PALM2AKAP2: variants seen among roughly 807,000 people sequenced by gnomAD.
The protein encoded by PALM2AKAP2 is PALM2 and AKAP2 fusion.
In PALM2AKAP2, 37 loss-of-function variants were observed where a neutral mutation model predicts 71.5. That is an observed-to-expected ratio of 0.52 (90% CI 0.40 to 0.68). The LOEUF is 0.68. Ranked by LOEUF, PALM2AKAP2 falls within the 30% of genes least tolerant of loss-of-function variation. The pLI, the probability that PALM2AKAP2 is intolerant of heterozygous loss-of-function variation, is 0.00. For synonymous variants in PALM2AKAP2, 468 were observed against 478.8 expected, an observed-to-expected ratio of 0.98 and a Z score of 0.29; for missense variants, 1,224 against 1,191.8, an observed-to-expected ratio of 1.03 and a Z score of -0.40.
At chr9:109,778,674 T>A (rs117131762), upstream of PALM2AKAP2, among the ~76,000 whole-genome samples, 1 of 152,196 alleles carries the variant, frequency 6.6e-6, no homozygotes, top group East Asian at 1.9e-4. Context: ...TGTTCATCAG[T>A]GACAGGTGAA....
intron 6 of PALM2AKAP2, among the ~76,000 whole-genome samples, chr9:109,984,416 G>A (rs948062947): frequency 6.6e-6 from 1 of 152,132 alleles, no homozygotes; most frequent in Non-Finnish European, 1.5e-5. Context: ...CCAGTATTGT[G>A]TGAAGCTGAG....
rs550133458 is a variant in PALM2AKAP2, at chr9:109,954,350, G to A, written c.496+22322G>A. On this transcript the variant is annotated intron_variant, in intron 6 of 9. Coordinates refer to the PALM2AKAP2 transcript ENST00000302798. ...TATCATCCTTGTGCAGCTATTAATA[G>A]ACCACATCATCTCCCCAGCAGCCCC... 1.4e-4 allele frequency among the ~76,000 whole-genome samples: 22 copies of A among 152,162 alleles called. No homozygotes were observed. The South Asian group carries it at 4.4e-3, about 30-fold the overall frequency.
chr9:109,715,937 C>T (rs1241785278), intron 1 of PALM2AKAP2, among the ~76,000 whole-genome samples: 2 of 152,058 alleles, frequency 1.3e-5, no homozygotes, highest in African/African-American at 2.4e-5. Context: ...AAGTGTTTTT[C>T]GTATGCCATT....
intron 1 of PALM2AKAP2, among the ~76,000 whole-genome samples, chr9:109,758,596 A>AT (rs139419102): frequency 0.038 from 5,655 of 146,888 alleles, 239 homozygotes; most frequent in East Asian, 0.23. Flanking sequence ...ATGTATTTGT[A>AT]TTATTTTTTG....
rs562616966 is a variant in PALM2AKAP2 at position 109,982,434 on chromosome 9, C to T, written c.497-33520C>T. Among the ~76,000 whole-genome samples, 146 of 152,128 alleles carry T rather than the reference C, an allele frequency of 9.6e-4. 1 individual carries two copies. The highest frequency in any genetic ancestry group is 3.3e-3 in the African/African-American group (136 of 41,498). ...CTACAGTCAATAATAATTTATTGTA[C>T]GTTTTAAAATAACTAAGAGTATAAT... On this transcript the variant is annotated intron_variant, in intron 6 of 9. Transcript: ENST00000302798.
intron 6 of PALM2AKAP2, among the ~76,000 whole-genome samples, chr9:109,993,373 C>A (rs1215910681): frequency 6.6e-6 from 1 of 152,064 alleles, no homozygotes; most frequent in Non-Finnish European, 1.5e-5. Context: ...TTAGCAAACT[C>A]ATTGAGAAGA....
At chr9:109,844,158 GAAT>G (rs1316985013) in intron 1 of PALM2AKAP2, among the ~76,000 whole-genome samples, 1 of 152,188 alleles carries the variant, frequency 6.6e-6, no homozygotes, top group Admixed American at 6.5e-5. Flanking sequence ...GTGCTTTCTG[GAAT>G]TATTTAATTT....
intron 1 of PALM2AKAP2, among the ~76,000 whole-genome samples, chr9:109,696,033 C>T (rs749615735): frequency 6.6e-6 from 1 of 152,034 alleles, no homozygotes; most frequent in African/African-American, 2.4e-5. Context: ...GTTTCCAATA[C>T]AAAGATCGGA....
At chr9:109,915,903 G>C (rs183521987) in intron 3 of PALM2AKAP2, among the ~76,000 whole-genome samples, 1 of 151,730 alleles carries the variant, frequency 6.6e-6, no homozygotes, top group Non-Finnish European at 1.5e-5. Context: ...GTGCTCCTTT[G>C]GATTCAACTG....
intron 1 of PALM2AKAP2, among the ~76,000 whole-genome samples, chr9:109,772,229 A>T (rs1018083184): frequency 1.3e-5 from 2 of 152,228 alleles, no homozygotes; most frequent in South Asian, 4.1e-4. Context: ...AAGTCTGCAC[A>T]GAGTCCTCAC....
chr9:110,004,077 G>A (rs1170476902), intron 6 of PALM2AKAP2, among the ~76,000 whole-genome samples: 1 of 152,180 alleles, frequency 6.6e-6, no homozygotes, highest in East Asian at 1.9e-4. Flanking sequence ...TCATTATGAT[G>A]TTAGCTGGTG....
chr9:109,878,044 A>C (rs1442054780), intron 2 of PALM2AKAP2, among the ~76,000 whole-genome samples: 1 of 152,220 alleles, frequency 6.6e-6, no homozygotes, highest in Non-Finnish European at 1.5e-5. Flanking sequence ...GGAAATTTTG[A>C]GAGGTTTTTG....
At chr9:110,053,527 CAAAAA>C (rs56132919) in intron 1 of PALM2AKAP2, among the ~76,000 whole-genome samples, 9 of 82,878 alleles carry the variant, frequency 1.1e-4, no homozygotes, top group African/African-American at 2.7e-4. Flanking sequence ...AACTCTGTCT[CAAAAA>C]AAAAAAAAAA....
intron 7 of PALM2AKAP2, among the ~76,000 whole-genome samples, chr9:110,038,616 G>A (rs970929271): frequency 6.6e-6 from 1 of 151,914 alleles, no homozygotes; most frequent in Non-Finnish European, 1.5e-5. Flanking sequence ...GGGAATTGAG[G>A]TGGTAGGATC....
chr9:110,116,654 G>GA (rs1288921331), intron 1 of PALM2AKAP2, among the ~76,000 whole-genome samples: 3 of 152,208 alleles, frequency 2.0e-5, no homozygotes, highest in African/African-American at 7.2e-5. Flanking sequence ...TCCCAAGGGG[G>GA]AATCTGGTTA....
intron 6 of PALM2AKAP2, among the ~76,000 whole-genome samples, chr9:109,966,936 G>A (rs1204910076): frequency 1.3e-5 from 2 of 152,294 alleles, no homozygotes; most frequent in Admixed American, 6.5e-5. Flanking sequence ...GTTCCATCAC[G>A]GTGTTTCTAG....
intron 1 of PALM2AKAP2, among the ~76,000 whole-genome samples, chr9:109,654,311 G>A (rs1225882190): frequency 6.6e-6 from 1 of 152,154 alleles, no homozygotes; most frequent in Non-Finnish European, 1.5e-5. Flanking sequence ...ACTATTAAAA[G>A]CAAGGGAAAA....
At chr9:109,827,640 T>G (rs950182485) in intron 1 of PALM2AKAP2, among the ~76,000 whole-genome samples, 7 of 152,126 alleles carry the variant, frequency 4.6e-5, no homozygotes, top group African/African-American at 1.7e-4. Flanking sequence ...GTTGCTGGAC[T>G]GCATGATGAT....
At chr9:109,647,352 AG>A (rs1422888716) in intron 1 of PALM2AKAP2, among the ~76,000 whole-genome samples, 27 of 152,342 alleles carry the variant, frequency 1.8e-4, no homozygotes, top group African/African-American at 6.5e-4. Context: ...ATCATTAACC[AG>A]TTCTTCATGA....
Sources: allele counts gnomAD v4.1 joint callset (sites outside exome capture counted in the v4.1 genomes callset), GRCh38; gene constraint gnomAD v4.1.1; transcripts MANE v1.5; gene names NCBI Gene and HGNC (gene_info 2026-07-23, HGNC 2026-07-21).